DRC11: variants seen among roughly 807,000 people sequenced by gnomAD.
DRC11 encodes IQ and AAA domain-containing protein 1.
chr2:236,441,774 G>T, the DRC11 span, among the ~76,000 whole-genome samples: 3 of 152,152 alleles, frequency 2.0e-5, no homozygotes, highest in African/African-American at 7.2e-5. Flanking sequence ...TTAATTCACA[G>T]AAGTACAGAA....
chr2:236,361,744 T>C, the DRC11 span, among the ~76,000 whole-genome samples: 1 of 152,128 alleles, frequency 6.6e-6, no homozygotes, highest in East Asian at 1.9e-4. This position sits in a 1 kb window ranked among gnomAD's most constrained non-coding sequence, Gnocchi z 5.7. Context: ...AGCAAAATGG[T>C]AGACTGAACT....
chr2:236,367,402 A>G, the DRC11 span, among the ~76,000 whole-genome samples: 1 of 151,370 alleles, frequency 6.6e-6, no homozygotes. The surrounding 1 kb of genome is among the most constrained non-coding windows in gnomAD (Gnocchi z 4.8). Context: ...CCAATAGGCA[A>G]GTTCTGAAGT....
chr2:236,445,787 A>G, the DRC11 span, among the ~76,000 whole-genome samples: 3 of 152,354 alleles, frequency 2.0e-5, no homozygotes, highest in African/African-American at 7.2e-5. The surrounding 1 kb of genome is among the most constrained non-coding windows in gnomAD (Gnocchi z 4.8). Flanking sequence ...ATTTGTATCT[A>G]GAAAGTGACA....
chr2:236,490,235 G>T, the DRC11 span, among the ~76,000 whole-genome samples: 2 of 152,176 alleles, frequency 1.3e-5, no homozygotes, highest in Non-Finnish European at 2.9e-5. This position sits in a 1 kb window ranked among gnomAD's most constrained non-coding sequence, Gnocchi z 5.5. Flanking sequence ...CTCCAAGGCT[G>T]GTGTTACTGT....
chr2:236,444,251 T>C, the DRC11 span, among the ~76,000 whole-genome samples: 134 of 152,374 alleles, frequency 8.8e-4, 4 homozygotes, highest in South Asian at 0.027. Context: ...GTTTTCATCA[T>C]GAAATCTTTG....
the DRC11 span, among the ~76,000 whole-genome samples, chr2:236,311,697 CGTGTGTGTGTGTGT>C: frequency 9.4e-5 from 13 of 138,796 alleles, no homozygotes; most frequent in Middle Eastern, 3.6e-3. This position sits in a 1 kb window ranked among gnomAD's most constrained non-coding sequence, Gnocchi z 6.9. Context: ...GGATGGGGTG[CGTGTGTGTGTGTGT>C]GTGTGTGTGT....
the DRC11 span, among the ~76,000 whole-genome samples, chr2:236,315,072 A>G: frequency 6.6e-6 from 1 of 152,210 alleles, no homozygotes; most frequent in Non-Finnish European, 1.5e-5. This position sits in a 1 kb window ranked among gnomAD's most constrained non-coding sequence, Gnocchi z 5.1. Context: ...AGTCAATGTG[A>G]TATTGGCAGA....
At chr2:236,404,294 T>C in the DRC11 span, among the ~76,000 whole-genome samples, 4 of 152,028 alleles carry the variant, frequency 2.6e-5, no homozygotes, top group Admixed American at 2.6e-4. Context: ...TGTGTGGATA[T>C]TGGGAGTCGT....
the DRC11 span, among the ~76,000 whole-genome samples, chr2:236,506,767 G>C: frequency 6.6e-6 from 1 of 152,226 alleles, no homozygotes; most frequent in African/African-American, 2.4e-5. The surrounding 1 kb of genome is among the most constrained non-coding windows in gnomAD (Gnocchi z 4.9). Context: ...CTGTGTAAAC[G>C]ACACAGTGCT....
At chr2:236,459,624 C>CGTATATAT in the DRC11 span, among the ~76,000 whole-genome samples, 23 of 82,550 alleles carry the variant, frequency 2.8e-4, no homozygotes, top group Non-Finnish European at 4.6e-4. Flanking sequence ...TAAGTATATA[C>CGTATATAT]ATACGTATAT....
At chr2:236,387,613 T>A in the DRC11 span, among the ~76,000 whole-genome samples, 2 of 152,106 alleles carry the variant, frequency 1.3e-5, no homozygotes, top group African/African-American at 2.4e-5. Context: ...TGACTCTTTA[T>A]CCAATTTGCC....
the DRC11 span, among the ~76,000 whole-genome samples, chr2:236,386,819 T>C: frequency 1.0e-3 from 150 of 150,486 alleles, 4 homozygotes; most frequent in East Asian, 0.027. Flanking sequence ...AATTTCCCTC[T>C]ACACACTGCT....
chr2:236,459,397 T>G, the DRC11 span, among the ~76,000 whole-genome samples: 1 of 151,674 alleles, frequency 6.6e-6, no homozygotes, highest in Non-Finnish European at 1.5e-5. Context: ...ATAGTTCTCC[T>G]TGGATGAATA....
At chr2:236,360,666 T>C in the DRC11 span, among the ~76,000 whole-genome samples, 1 of 152,198 alleles carries the variant, frequency 6.6e-6, no homozygotes, top group Non-Finnish European at 1.5e-5. This position sits in a 1 kb window ranked among gnomAD's most constrained non-coding sequence, Gnocchi z 5.8. Context: ...AGATGTGTGC[T>C]TGCGTGGGGA....
At chr2:236,477,866 T>A in the DRC11 span, among the ~76,000 whole-genome samples, 8 of 152,274 alleles carry the variant, frequency 5.3e-5, no homozygotes, top group Non-Finnish European at 1.0e-4. Context: ...TATATTTCTG[T>A]GGTATCGTTG....
the DRC11 span, among the ~76,000 whole-genome samples, chr2:236,356,932 TTA>T: frequency 7.0e-6 from 1 of 142,104 alleles, no homozygotes; most frequent in African/African-American, 2.6e-5. Context: ...TCATATATAT[TTA>T]TATATTATAT....
At chr2:236,396,581 T>C in the DRC11 span, among the ~76,000 whole-genome samples, 1 of 152,122 alleles carries the variant, frequency 6.6e-6, no homozygotes, top group South Asian at 2.1e-4. Flanking sequence ...GGTCAGCAGG[T>C]TGCAAGAGTT....
At chr2:236,389,107 G>C in the DRC11 span, among the ~76,000 whole-genome samples, 2 of 152,342 alleles carry the variant, frequency 1.3e-5, no homozygotes, top group East Asian at 3.9e-4. Flanking sequence ...GGTTACTGCT[G>C]TCTTTTTGTT....
At chr2:236,307,497 C>T in the DRC11 span, among the ~76,000 whole-genome samples, 630 of 152,326 alleles carry the variant, frequency 4.1e-3, 4 homozygotes, top group African/African-American at 0.013. The surrounding 1 kb of genome is among the most constrained non-coding windows in gnomAD (Gnocchi z 7.0). Context: ...AGTGACTTGT[C>T]AAGACAGCAA....
Sources: allele counts gnomAD v4.1 joint callset (sites outside exome capture counted in the v4.1 genomes callset), GRCh38; gene constraint gnomAD v4.1.1; non-coding constraint Gnocchi (gnomAD v3.1); transcripts MANE v1.5; gene names NCBI Gene and HGNC (gene_info 2026-07-23, HGNC 2026-07-21).